The following MARCO variants were observed in gnomAD, a reference collection of about 807,000 sequenced individuals.
The protein encoded by MARCO is macrophage receptor MARCO.
In MARCO, 72 loss-of-function variants were observed where a neutral mutation model predicts 70.0. The ratio of observed to expected loss-of-function variants is 1.03; its 90% CI spans 0.85 to 1.25. The LOEUF (loss-of-function observed/expected upper bound fraction) is 1.25, where lower values mean the gene tolerates loss of function less well. Ranked by LOEUF, MARCO falls within the 50% of genes most tolerant of loss-of-function variation. The pLI, the probability that MARCO is intolerant of heterozygous loss-of-function variation, is 0.00. For synonymous variants in MARCO, 273 were observed against 243.1 expected (o/e 1.12, Z -1.14); for missense variants, 696 against 659.3 (o/e 1.06, Z -0.61).
At position 118,974,417 on chromosome 2, in the gene MARCO, C is replaced by A; in HGVS notation, c.545C>A (p.Ala182Asp). 6.2e-7 allele frequency: 1 copy of A among 1,612,804 alleles called. No homozygotes were observed. The highest frequency in any genetic ancestry group is 1.3e-5 in the African/African-American group (1 of 75,024). The change falls in exon 5 of 17, where the codon GCT becomes GAT. Residue 182 changes from alanine to aspartate, a missense_variant. By Grantham distance (126) the Ala-to-Asp change is moderately radical. Coordinates refer to ENST00000327097, the MANE Select transcript of MARCO (RefSeq NM_006770.4). ...GPPAEKGAKG[A>D]MGRDGATGPS... is the part of the protein sequence containing the mutation. ...CCTGCTGAGAAGGGAGCCAAGGGGG[C>A]TATGGGACGAGATGGAGCAACAGGT...
intron 8 of MARCO, among the ~76,000 whole-genome samples, chr2:118,978,596 C>A (rs1201826731): frequency 1.3e-5 from 2 of 152,194 alleles, no homozygotes; most frequent in Non-Finnish European, 2.9e-5. Context: ...GCCAGGCGGG[C>A]TTGGTTCCCA....
Position 118,981,551 on chromosome 2 carries a change from C to CATT in MARCO, c.865+44_865+45insATT, listed in dbSNP as rs752363038. The CATT allele has an allele frequency of 4.7e-3, 6,725 of 1,445,708 alleles. 91 individuals carry two copies. Among genetic ancestry groups the CATT allele is most frequent in the South Asian group, 0.013 (1,088 of 83,814 alleles). The allele number at this position is 1,445,708 out of a possible 1,614,324, so 89.6% of individuals were successfully genotyped here. ...ACATCCACTGACCTCTAGGTATTTC[C>CATT]TTTTTTTTTTTTTTCTGGCTGGCTG... On this transcript the variant is annotated intron_variant, in intron 9 of 16. Transcript: ENST00000327097.
chr2:118,942,336 C>T lies in MARCO; in HGVS notation c.36C>T (p.Leu12=), dbSNP rs756189929. The T allele has an allele frequency of 1.9e-6, 3 of 1,613,844 alleles. No individual in the cohort carries two copies. Among genetic ancestry groups the T allele is most frequent in the Non-Finnish European group, 2.5e-6 (3 of 1,179,804 alleles). ...AGAAAATTCTCAAGGAGGACGAGCT[C>T]TTGAGTGAGACCCAACAAGCTGCTT... is the stretch of plus-strand genomic sequence containing the variant. ...RNKKILKEDE[L]LSETQQAAFH... Residue 12 remains leucine (L), a synonymous_variant, in exon 1 of 17, where the codon CTC becomes CTT. Transcript: ENST00000327097.
At position 118,991,763 on chromosome 2, in the gene MARCO, G is replaced by T. The variant is rs1558674380; in HGVS notation, c.1109-14G>T. The T allele has an allele frequency of 6.5e-7, 1 of 1,537,300 alleles. No homozygotes were observed. The highest frequency in any genetic ancestry group is 1.2e-5 in the South Asian group (1 of 82,938). ...AAGCAGGGCACCTGATCAGGGCAGT[G>T]TCTCTCCTTCCAGGCCCTGCAGGTG... On this transcript the variant is annotated splice_polypyrimidine_tract_variant and intron_variant, in intron 13 of 16. Transcript: ENST00000327097.
intron 6 of MARCO, among the ~76,000 whole-genome samples, 198 bp downstream of exon 6, chr2:118,974,763 C>A (rs927695059): frequency 1.3e-5 from 2 of 152,166 alleles, no homozygotes; most frequent in African/African-American, 2.4e-5. Flanking sequence ...GGCTGGGCAG[C>A]CGCCCTCAGG....
intron 1 of MARCO, among the ~76,000 whole-genome samples, chr2:118,962,032 C>T (rs1000128176): frequency 4.0e-5 from 6 of 151,766 alleles, no homozygotes; most frequent in African/African-American, 1.2e-4. Context: ...TGCTCGTAGA[C>T]GTGCGGTCTT....
intron 1 of MARCO, among the ~76,000 whole-genome samples, chr2:118,965,884 C>G (rs1680035190): frequency 1.3e-5 from 2 of 152,198 alleles, no homozygotes; most frequent in African/African-American, 4.8e-5. Flanking sequence ...CCAGTACTGC[C>G]TGGTGCTATC....
chr2:118,969,386 C>G, intron 2 of MARCO, 125 bp downstream of exon 2: 1 of 686,582 alleles, frequency 1.5e-6, no homozygotes, highest in Non-Finnish European at 2.6e-6. Flanking sequence ...TGCTGGGAGA[C>G]AGTCTCAGCC....
chr2:118,974,366 C>A lies in MARCO; in HGVS notation c.494C>A (p.Pro165His). The A allele has an allele frequency of 6.2e-7, 1 of 1,607,328 alleles. No individual in the cohort carries two copies. The highest frequency in any genetic ancestry group is 8.5e-7 in the Non-Finnish European group (1 of 1,177,218). Residue 165 changes from proline to histidine, a missense_variant, in exon 5 of 17, where the codon CCT (proline) becomes CAT (histidine). Coordinates refer to ENST00000327097, the MANE Select transcript of MARCO (RefSeq NM_006770.4). ...LQGHKGAMGM[P>H]GAPGPPGPPA... is the part of the protein sequence containing the mutation. ...GGTCACAAGGGGGCCATGGGCATGC[C>A]TGGTGCCCCTGGCCCGCCGGGACCA...
chr2:118,951,667 A>C (rs1440636932), intron 1 of MARCO, among the ~76,000 whole-genome samples: 1 of 152,264 alleles, frequency 6.6e-6, no homozygotes, highest in Non-Finnish European at 1.5e-5. Flanking sequence ...ACTGACAACA[A>C]GGTGGTATTG....
rs780942565 is a variant in MARCO, at chr2:118,981,590, A to G, written c.866-31A>G. 2.5e-6 allele frequency: 4 copies of G among 1,610,778 alleles called. No individual in the cohort carries two copies. The Admixed American group carries it at 6.8e-5, about 27-fold the overall frequency. On this transcript the variant is annotated intron_variant, in intron 9 of 16. Transcript: ENST00000327097. ...TCTGGCTGGCTGAGCCAAAGGAAAA[A>G]AAAATTCCTAAAAGTTCTTTTTCAT...
intron 4 of MARCO, 40 bp downstream of exon 4, chr2:118,971,574 C>CA: frequency 6.2e-7 from 1 of 1,610,206 alleles, no homozygotes; most frequent in Non-Finnish European, 8.5e-7. Context: ...GCTCTTTCCC[C>CA]AAAACCTCCC....
At chr2:118,971,426 G>C in intron 3 of MARCO, 73 bp from the exon 4 acceptor site, 1 of 1,452,830 alleles carries the variant, frequency 6.9e-7, no homozygotes, top group Non-Finnish European at 9.7e-7. Flanking sequence ...TGCAGAACCT[G>C]GGCACTCTCA....
chr2:118,948,326 A>G (rs1377893173), intron 1 of MARCO, among the ~76,000 whole-genome samples: 1 of 152,242 alleles, frequency 6.6e-6, no homozygotes, highest in Non-Finnish European at 1.5e-5. Flanking sequence ...GGACCTCACA[A>G]TCTTAAACTG....
At chr2:118,985,522 T>A (rs1680469102) in intron 12 of MARCO, among the ~76,000 whole-genome samples, 2 of 152,078 alleles carry the variant, frequency 1.3e-5, no homozygotes, top group South Asian at 4.2e-4. Context: ...CCTCCACAGT[T>A]TATTAAGCAA....
intron 8 of MARCO, among the ~76,000 whole-genome samples, chr2:118,980,846 G>A (rs1403106538): frequency 6.6e-6 from 1 of 152,212 alleles, no homozygotes; most frequent in African/African-American, 2.4e-5. Context: ...GCACCAGCAA[G>A]AGAGGAGGGA....
intron 1 of MARCO, among the ~76,000 whole-genome samples, chr2:118,959,768 T>C (rs991209688): frequency 3.9e-5 from 6 of 152,170 alleles, no homozygotes. Flanking sequence ...GTATATATGA[T>C]GGAATACTAC....
At chr2:118,994,143 G>A (rs1663032400) in intron 16 of MARCO, among the ~76,000 whole-genome samples, 1 of 152,182 alleles carries the variant, frequency 6.6e-6, no homozygotes, top group Non-Finnish European at 1.5e-5. Context: ...AGATTTGCAT[G>A]AGACTTTTGT....
Position 118,990,569 on chromosome 2 carries a change from C to CGGGGGGGGGGG in MARCO, c.1064-20_1064-19insGGGGGGGGGGG. On this transcript the variant is annotated intron_variant, in intron 12 of 16. Transcript: ENST00000327097. Reference sequence around the variant, plus strand: ...AGTTTTATTATCTCCTCCCCCCCCCCTTTTTTGTTTTGATCTTAGGACTTC... The same window carrying CGGGGGGGGGGG: ...AGTTTTATTATCTCCTCCCCCCCCCCGGGGGGGGGGGTTTTTTGTTTTGATCTTAGGACTTC... 3 of 1,415,954 alleles carry CGGGGGGGGGGG rather than the reference C, an allele frequency of 2.1e-6. No individual in the cohort carries two copies. Among genetic ancestry groups the CGGGGGGGGGGG allele is most frequent in the Non-Finnish European group, 2.9e-6 (3 of 1,028,312 alleles). 87.7% of individuals were successfully genotyped at this position (1,415,954 alleles called of 1,614,324 possible). A position where few individuals can be genotyped will look rare whatever the true frequency, so the allele number is the denominator to read the frequency against.
Sources: gnomAD v4.1 joint callset for allele counts (sites outside exome capture counted in the v4.1 genomes callset) on GRCh38, gnomAD v4.1.1 for gene constraint, MANE v1.5 for transcripts, NCBI Gene and HGNC (gene_info 2026-07-23, HGNC 2026-07-21) for gene names.